GHR: variants seen among roughly 807,000 people sequenced by gnomAD.
The protein encoded by GHR is GH receptor.
A neutral mutation model predicts 67.1 loss-of-function variants in GHR; 35 were observed. That is an observed-to-expected ratio of 0.52 (90% confidence interval 0.40 to 0.69). GHR has a LOEUF of 0.69. Ranked by LOEUF, GHR falls within the 30% of genes least tolerant of loss-of-function variation. The pLI, the probability that GHR is intolerant of heterozygous loss-of-function variation, is 0.00. For synonymous variants in GHR, 272 were observed against 269.1 expected, an observed-to-expected ratio of 1.01 and a Z score of -0.10; for missense variants, 792 against 764.6, an observed-to-expected ratio of 1.04 and a Z score of -0.42.
intron 3 of GHR, among the ~76,000 whole-genome samples, chr5:42,663,641 C>T (rs1191510724): frequency 1.3e-5 from 2 of 152,168 alleles, no homozygotes; most frequent in African/African-American, 2.4e-5. Context: ...CAATATCATA[C>T]TGAATGGGCA....
intron 1 of GHR, among the ~76,000 whole-genome samples, chr5:42,483,441 T>TG (rs1745743318): frequency 6.6e-6 from 1 of 151,852 alleles, no homozygotes; most frequent in Non-Finnish European, 1.5e-5. Flanking sequence ...TCAGCCCCAT[T>TG]GGTGAGTTTA....
intron 2 of GHR, among the ~76,000 whole-genome samples, chr5:42,604,315 A>T (rs1752517618): frequency 6.6e-6 from 1 of 152,242 alleles, no homozygotes; most frequent in African/African-American, 2.4e-5. Context: ...CAAAAAGAGT[A>T]TTAGCTAGTG....
intron 1 of GHR, among the ~76,000 whole-genome samples, chr5:42,448,028 T>C (rs541033580): frequency 6.6e-6 from 1 of 152,066 alleles, no homozygotes; most frequent in Admixed American, 6.6e-5. Flanking sequence ...TCCCAAAGTG[T>C]TGGGATTACA....
chr5:42,424,423 C>T lies in GHR; in HGVS notation c.-12+468C>T. On this transcript the variant is annotated intron_variant, in intron 1 of 9. Transcript: ENST00000230882. This position sits in a 1 kb window ranked among gnomAD's most constrained non-coding sequence, Gnocchi z 4.1. ...GGAACTGCCGAGGCTGCTGCTGTTG[C>T]GCGGGGAAGAATCCCCGGCAGCGCG... The T allele has an allele frequency of 1.6e-6, 1 of 619,210 alleles. No homozygotes were observed. The highest frequency in any genetic ancestry group is 1.8e-5 in the African/African-American group (1 of 54,680). 38.4% of individuals were successfully genotyped at this position (619,210 alleles called of 1,614,324 possible). A position where few individuals can be genotyped will look rare whatever the true frequency, so the allele number is the denominator to read the frequency against.
chr5:42,529,596 G>A (rs902116673), intron 1 of GHR, among the ~76,000 whole-genome samples: 1 of 152,078 alleles, frequency 6.6e-6, no homozygotes, highest in Non-Finnish European at 1.5e-5. Context: ...CCAGTTCTGG[G>A]TTTAACGGCC....
intron 3 of GHR, among the ~76,000 whole-genome samples, chr5:42,665,146 G>C (rs1167656204): frequency 6.6e-6 from 1 of 152,130 alleles, no homozygotes; most frequent in Non-Finnish European, 1.5e-5. Flanking sequence ...TTACACTGTT[G>C]GTGGGACTGT....
chr5:42,582,743 C>G (rs181817645), intron 2 of GHR, among the ~76,000 whole-genome samples: 247 of 152,348 alleles, frequency 1.6e-3, no homozygotes, highest in African/African-American at 5.1e-3. Context: ...TTTCTGTCAT[C>G]TCCATGCTCC....
intron 1 of GHR, among the ~76,000 whole-genome samples, chr5:42,427,931 G>T (rs552974025): frequency 1.3e-5 from 2 of 152,278 alleles, no homozygotes; most frequent in South Asian, 2.1e-4. Flanking sequence ...TTCATGGCTG[G>T]CATTGACTGT....
intron 1 of GHR, among the ~76,000 whole-genome samples, chr5:42,525,260 G>T (rs542336289): frequency 6.6e-6 from 1 of 152,172 alleles, no homozygotes; most frequent in Non-Finnish European, 1.5e-5. Context: ...CCAAGACCAT[G>T]GGAACCCACC....
At position 42,542,648 on chromosome 5, in the gene GHR, A is replaced by T. The variant is rs147204231; in HGVS notation, c.-11-23216A>T. On this transcript the variant is annotated intron_variant, in intron 1 of 9. Transcript: ENST00000230882. Reference sequence around the variant, plus strand: ...TTTTATACATGTATATTTCTATTCCAATCATTTTTGGGGTACAAGTGATTT... The same window carrying T: ...TTTTATACATGTATATTTCTATTCCTATCATTTTTGGGGTACAAGTGATTT... Among the ~76,000 whole-genome samples the T allele has an allele frequency of 5.4e-3, 817 of 152,210 alleles. 6 individuals are homozygous for T. The highest frequency in any genetic ancestry group is 8.8e-3 in the Non-Finnish European group (596 of 67,976).
chr5:42,548,121 C>T (rs755192934), intron 1 of GHR: 6 of 985,114 alleles, frequency 6.1e-6, no homozygotes, highest in Non-Finnish European at 7.2e-6. Context: ...TTCAGTTCAG[C>T]AGGCAGAGCC....
At chr5:42,594,953 T>A (rs2112608818) in intron 2 of GHR, among the ~76,000 whole-genome samples, 1 of 152,256 alleles carries the variant, frequency 6.6e-6, no homozygotes, top group Admixed American at 6.5e-5. Context: ...AATATTATTA[T>A]AATAATAGTT....
chr5:42,473,873 CAAAA>C (rs532325898), intron 1 of GHR, among the ~76,000 whole-genome samples: 3 of 83,112 alleles, frequency 3.6e-5, no homozygotes, highest in Non-Finnish European at 5.0e-5. Context: ...GACTTTGTCT[CAAAA>C]AAAAAAAAAA....
intron 1 of GHR, among the ~76,000 whole-genome samples, chr5:42,426,433 A>G (rs1268764631): frequency 6.6e-6 from 1 of 152,184 alleles, no homozygotes; most frequent in Non-Finnish European, 1.5e-5. Flanking sequence ...AAATCTGCTA[A>G]CCTGAAGATT....
At chr5:42,576,610 G>A (rs1485072836) in intron 2 of GHR, among the ~76,000 whole-genome samples, 2 of 152,132 alleles carry the variant, frequency 1.3e-5, no homozygotes, top group African/African-American at 4.8e-5. Flanking sequence ...CGGTTTATTT[G>A]CACAAGGAAA....
At chr5:42,474,827 C>T (rs1315729721) in intron 1 of GHR, among the ~76,000 whole-genome samples, 2 of 147,648 alleles carry the variant, frequency 1.4e-5, no homozygotes, top group African/African-American at 5.0e-5. Context: ...TTTTTTCACC[C>T]TTGATTTTTA....
At chr5:42,462,869 A>G (rs1579743117) in intron 1 of GHR, among the ~76,000 whole-genome samples, 1 of 152,284 alleles carries the variant, frequency 6.6e-6, no homozygotes, top group East Asian at 1.9e-4. Context: ...TGTGTTAAAA[A>G]TGAATTAGTA....
intron 3 of GHR, among the ~76,000 whole-genome samples, chr5:42,665,472 C>A (rs2112881457): frequency 6.6e-6 from 1 of 152,026 alleles, no homozygotes; most frequent in South Asian, 2.1e-4. Flanking sequence ...TGGAAATCAT[C>A]ATTCTGAGTA....
intron 2 of GHR, among the ~76,000 whole-genome samples, chr5:42,624,259 C>A (rs73087443): frequency 0.076 from 11,634 of 152,232 alleles, 521 homozygotes; most frequent in Middle Eastern, 0.15. Flanking sequence ...CAGGGCTCCC[C>A]AAGCATTTCC....
Sources: allele counts gnomAD v4.1 joint callset (sites outside exome capture counted in the v4.1 genomes callset), GRCh38; gene constraint gnomAD v4.1.1; non-coding constraint Gnocchi (gnomAD v3.1); transcripts MANE v1.5; gene names NCBI Gene and HGNC (gene_info 2026-07-23, HGNC 2026-07-21).